Variants in SIN3B observed in about 807,000 individuals in gnomAD.
SIN3B encodes the protein SIN3 transcription regulator family member B, also known as paired amphipathic helix protein Sin3b.
SIN3B carries 19 observed loss-of-function variants against 120.2 expected under a neutral mutation model. The observed-to-expected ratio is 0.16, with a 90% CI of 0.11 to 0.23. The LOEUF (loss-of-function observed/expected upper bound fraction) is 0.23, where lower values mean the gene tolerates loss of function less well. Among genes scored for constraint, SIN3B ranks in the 10% least tolerant of loss-of-function variants. The pLI is 1.00. For synonymous variants in SIN3B, 654 were observed against 653.2 expected (o/e 1.00, Z -0.02); for missense variants, 1,073 against 1,573.0 (o/e 0.68, Z 5.38).
intron 10 of SIN3B, among the ~76,000 whole-genome samples, chr19:16,864,475 C>A (rs1235873840): frequency 7.0e-6 from 1 of 142,358 alleles, no homozygotes; most frequent in Non-Finnish European, 1.5e-5. Context: ...ACCACAAGTC[C>A]ATACTACCAT....
intron 3 of SIN3B, among the ~76,000 whole-genome samples, chr19:16,840,991 G>A (rs1291382788): frequency 6.6e-6 from 1 of 152,186 alleles, no homozygotes; most frequent in Non-Finnish European, 1.5e-5. Flanking sequence ...ACCTCAGCCA[G>A]GCTGGAGGAA....
chr19:16,842,048 T>C, intron 4 of SIN3B, 80 bp downstream of exon 4: 1 of 1,181,888 alleles, frequency 8.5e-7, no homozygotes, highest in Non-Finnish European at 1.2e-6. Context: ...GATTTTCTTG[T>C]CGGAATTCAT....
intron 5 of SIN3B, among the ~76,000 whole-genome samples, chr19:16,849,283 C>T (rs1971515643): frequency 6.6e-6 from 1 of 152,244 alleles, no homozygotes; most frequent in South Asian, 2.1e-4. Context: ...GTAAGTATCA[C>T]AGGCTTTGCA....
chr19:16,844,609 T>G (rs1971457514), intron 4 of SIN3B, among the ~76,000 whole-genome samples: 1 of 151,978 alleles, frequency 6.6e-6, no homozygotes, highest in African/African-American at 2.4e-5. Context: ...CTCTGCAGAG[T>G]TGCAAAGTGT....
chr19:16,854,051 A>G, intron 7 of SIN3B, 92 bp from the exon 8 acceptor site: 1 of 838,862 alleles, frequency 1.2e-6, no homozygotes, highest in South Asian at 1.6e-5. Context: ...TGGTTCCCAT[A>G]TCGCACACCC....
chr19:16,840,311 G>T (rs1478376767), intron 3 of SIN3B, among the ~76,000 whole-genome samples: 2 of 152,152 alleles, frequency 1.3e-5, no homozygotes, highest in African/African-American at 2.4e-5. Flanking sequence ...AGAGGAGATT[G>T]GGACACACAT....
At position 16,841,988 on chromosome 19, in the gene SIN3B, T is replaced by C. The variant is rs574062653; in HGVS notation, c.582+20T>C. ...TACCAGGTAAGAACTCAGATTACAA[T>C]TCCTTGTGGGTTTTGGATTTCATCC... On this transcript the variant is annotated intron_variant, in intron 4 of 18. Transcript: ENST00000248054. The C allele has an allele frequency of 6.3e-7, 1 of 1,599,352 alleles. No homozygotes were observed. The highest frequency in any genetic ancestry group is 1.1e-5 in the South Asian group (1 of 90,760).
intron 4 of SIN3B, among the ~76,000 whole-genome samples, chr19:16,842,606 C>T (rs73928668): frequency 0.029 from 4,419 of 152,124 alleles, 223 homozygotes; most frequent in African/African-American, 0.1. Context: ...TTTGTTATTG[C>T]TTAGGCAATA....
At chr19:16,848,263 C>T (rs369134703) in intron 5 of SIN3B, among the ~76,000 whole-genome samples, 1 of 152,262 alleles carries the variant, frequency 6.6e-6, no homozygotes, top group East Asian at 1.9e-4. Flanking sequence ...TTTGGGTAGA[C>T]ACCTAGGAGT....
In SIN3B at chr19:16,876,040, C is replaced by A. The variant is rs1195958080; in HGVS notation, c.2593-15C>A. The stretch of plus-strand genomic sequence containing the variant: ...GGAGGCGGGGTGGCCGCACCACCTG[C>A]TTTCCTCCCGCCAGCTGCACCACCT... On this transcript the variant is annotated splice_polypyrimidine_tract_variant and intron_variant, in intron 14 of 18. Coordinates refer to ENST00000248054, the MANE Select transcript of SIN3B (RefSeq NM_001297595.2). The surrounding 1 kb of genome is among the most constrained non-coding windows in gnomAD (Gnocchi z 7.1). 6.5e-7 allele frequency: 1 copy of A among 1,540,904 alleles called. No homozygotes were observed. Among genetic ancestry groups the A allele is most frequent in the Admixed American group, 2.0e-5 (1 of 50,368 alleles).
At chr19:16,840,877 A>G (rs1299319272) in intron 3 of SIN3B, among the ~76,000 whole-genome samples, 1 of 152,124 alleles carries the variant, frequency 6.6e-6, no homozygotes, top group Non-Finnish European at 1.5e-5. Context: ...TAAGGTGGTG[A>G]CGGGCCGCGG....
In SIN3B at chr19:16,865,544, G is replaced by T; in HGVS notation, c.1518G>T (p.Val506=). ...ACTCCCTGGGAGGCACGTCGGAGGTGATCCAGCGCCGTGCCATTTATCGCA... is the reference window on the plus strand; with the variant it reads ...ACTCCCTGGGAGGCACGTCGGAGGTTATCCAGCGCCGTGCCATTTATCGCA... ...LDDSLGGTSE[V]IQRRAIYRIY... Residue 506 remains valine (V), a synonymous_variant, in exon 11 of 19, where the codon GTG becomes GTT. Coordinates refer to ENST00000248054, the MANE Select transcript of SIN3B (RefSeq NM_001297595.2). 1 of 1,613,802 alleles carries T rather than the reference G, an allele frequency of 6.2e-7. No individual in the cohort carries two copies. Among genetic ancestry groups the T allele is most frequent in the Non-Finnish European group, 8.5e-7 (1 of 1,179,844 alleles).
intron 2 of SIN3B, 136 bp from the exon 3 acceptor site, chr19:16,831,358 T>C (rs1321791712): frequency 2.3e-6 from 2 of 883,650 alleles, no homozygotes; most frequent in East Asian, 5.2e-5. Flanking sequence ...CCACTGCGCC[T>C]GGTGGGTCAC....
At chr19:16,864,115 G>A (rs964936967) in intron 10 of SIN3B, among the ~76,000 whole-genome samples, 2 of 151,990 alleles carry the variant, frequency 1.3e-5, no homozygotes, top group African/African-American at 4.8e-5. Context: ...GCAACATGGC[G>A]AAACCCCATC....
At chr19:16,845,365 T>C (rs150285932) in intron 4 of SIN3B, among the ~76,000 whole-genome samples, 7 of 152,294 alleles carry the variant, frequency 4.6e-5, no homozygotes, top group African/African-American at 1.7e-4. Context: ...CTCCGCCTCC[T>C]GGGCTCAAGC....
chr19:16,838,521 A>G (rs916382437), intron 3 of SIN3B, among the ~76,000 whole-genome samples: 2 of 151,970 alleles, frequency 1.3e-5, no homozygotes, highest in Non-Finnish European at 2.9e-5. Flanking sequence ...TTCCTTCCTT[A>G]AGACTGAATC....
chr19:16,869,580 C>G lies in SIN3B; in HGVS notation c.1927C>G (p.Arg643Gly). 1 of 1,613,492 alleles carries G rather than the reference C, an allele frequency of 6.2e-7. No homozygotes were observed. Among genetic ancestry groups the G allele is most frequent in the Non-Finnish European group, 8.5e-7 (1 of 1,180,022 alleles). ...AGCGCTCATCAGCTACTACGTGAAG[C>G]GGCAGCCGGCCATCCAGAAGGAGGA... ...AAALISYYVK[R>G]QPAIQKEDQG... The change falls in exon 13 of 19, where the codon CGG (arginine) becomes GGG (glycine). Residue 643 changes from arginine to glycine, a missense_variant. Transcript: ENST00000248054.
Position 16,860,331 on chromosome 19 carries a change from G to A in SIN3B, c.1059-2021G>A, listed in dbSNP as rs566822658. 2.3e-4 allele frequency among the ~76,000 whole-genome samples: 35 copies of A among 152,304 alleles called. No homozygotes were observed. In the Middle Eastern group the frequency reaches 0.014, roughly 60 times the overall value. ...AGCCGCGTGGCAGCCAGGGTGGATC[G>A]GGTTGAGCATTCCCTTCAGAGCAGT... On this transcript the variant is annotated intron_variant, in intron 8 of 18. Transcript: ENST00000248054.
chr19:16,854,328 T>G (rs2144598680), intron 8 of SIN3B, 67 bp downstream of exon 8: 1 of 940,572 alleles, frequency 1.1e-6, no homozygotes, highest in East Asian at 2.6e-5. Context: ...CTACTTGGTT[T>G]TTAGTTACTG....
Sources: allele counts gnomAD v4.1 joint callset (sites outside exome capture counted in the v4.1 genomes callset), GRCh38; gene constraint gnomAD v4.1.1; non-coding constraint Gnocchi (gnomAD v3.1); transcripts MANE v1.5; gene names NCBI Gene and HGNC (gene_info 2026-07-23, HGNC 2026-07-21).